The following PTPRS variants were observed in gnomAD, a reference collection of about 807,000 sequenced individuals.
PTPRS encodes receptor-type tyrosine-protein phosphatase S.
PTPRS carries 63 observed loss-of-function variants against 215.3 expected under a neutral mutation model. The ratio of observed to expected loss-of-function variants is 0.29; its 90% confidence interval spans 0.24 to 0.36. The LOEUF (loss-of-function observed/expected upper bound fraction) is 0.36, where lower values mean the gene tolerates loss of function less well. PTPRS is among the 10% of genes least tolerant of loss of function. PTPRS has a pLI of 1.00. For missense variants in PTPRS, 2,258 were observed against 2,825.8 expected (o/e 0.80, Z 4.56); for synonymous variants, 1,404 against 1,191.4 (o/e 1.18, Z -3.68).
At chr19:5,264,579 C>T (rs1012871469) in intron 5 of PTPRS, among the ~76,000 whole-genome samples, 2 of 152,080 alleles carry the variant, frequency 1.3e-5, no homozygotes, top group Non-Finnish European at 2.9e-5. Flanking sequence ...CCAAAGAGCT[C>T]GGATTACAGG....
In PTPRS at chr19:5,210,598, TGGA is replaced by T; in HGVS notation, c.5362-7_5362-5del. The stretch of plus-strand genomic sequence containing the variant: ...GCCAGTACTGGTGACACTTCTCCTG[TGGA>T]GGAGATGGCGGCCGTGGTCAGCGCT... On this transcript the variant is annotated splice_polypyrimidine_tract_variant and splice_region_variant and intron_variant, in intron 34 of 37. Transcript: ENST00000262963. The surrounding 1 kb of genome is among the most constrained non-coding windows in gnomAD (Gnocchi z 4.5). 6.2e-7 allele frequency: 1 copy of T among 1,614,206 alleles called. No individual in the cohort carries two copies. The highest frequency in any genetic ancestry group is 8.5e-7 in the Non-Finnish European group (1 of 1,180,028).
At chr19:5,214,833 C>A in intron 28 of PTPRS, 97 bp from the exon 29 acceptor site, 1 of 1,234,418 alleles carries the variant, frequency 8.1e-7, no homozygotes, top group Non-Finnish European at 1.1e-6. Flanking sequence ...TCTGACCGCT[C>A]CCAGATTGTC....
chr19:5,320,765 C>G (rs2050005118), intron 1 of PTPRS, among the ~76,000 whole-genome samples: 3 of 152,090 alleles, frequency 2.0e-5, no homozygotes, highest in Admixed American at 2.0e-4. Flanking sequence ...TCATGCTGAG[C>G]CCAGCCCTGA....
At chr19:5,227,461 C>A (rs1270863475) in intron 16 of PTPRS, among the ~76,000 whole-genome samples, 2 of 148,868 alleles carry the variant, frequency 1.3e-5, no homozygotes, top group East Asian at 3.9e-4. Context: ...GTTGCCCAGG[C>A]TGGAGTGCAA....
chr19:5,235,430 G>A (rs2043362596), intron 13 of PTPRS, among the ~76,000 whole-genome samples: 1 of 152,128 alleles, frequency 6.6e-6, no homozygotes. Flanking sequence ...GATAATAAGT[G>A]AATGTTTTCA....
rs1452860116 is a variant in PTPRS, at chr19:5,225,863, G to A, written c.2377-19C>T. On this transcript the variant is annotated intron_variant, in intron 16 of 37. Transcript: ENST00000262963. ...CCATCTCCTGCAGGCACGGCTGGGG[G>A]TCAGCACGACGGCTGGGGCTGGGAG... 6.9e-6 allele frequency: 11 copies of A among 1,603,708 alleles called. No homozygotes were observed. Among genetic ancestry groups the A allele is most frequent in the Non-Finnish European group, 9.4e-6 (11 of 1,170,884 alleles).
chr19:5,322,879 CAAAAAAA>C lies in PTPRS; in HGVS notation c.-95+17778_-95+17784del, dbSNP rs60988670. On this transcript the variant is annotated intron_variant, in intron 1 of 37. Transcript: ENST00000262963. ...GGGCAACAAGAGCAAAACTCCGTCTCAAAAAAAAAAAAAAAAAAAAAGAAGAAGAAGA... is the reference window on the plus strand; with the variant it reads ...GGGCAACAAGAGCAAAACTCCGTCTCAAAAAAAAAAAAAAGAAGAAGAAGA... Among the ~76,000 whole-genome samples, 11 of 65,934 alleles carry C rather than the reference CAAAAAAA, an allele frequency of 1.7e-4. No homozygotes were observed. The South Asian group carries it at 8.6e-3, about 51-fold the overall frequency. The allele number at this position is 65,934 out of a possible 152,430, so 43.3% of individuals were successfully genotyped here.
intron 1 of PTPRS, among the ~76,000 whole-genome samples, chr19:5,310,542 T>C (rs2049667686): frequency 6.6e-6 from 1 of 152,034 alleles, no homozygotes; most frequent in East Asian, 1.9e-4. Context: ...GGTTTCAAAC[T>C]CCTGACCTCA....
In PTPRS at chr19:5,222,153, A is replaced by G; in HGVS notation, c.3171T>C (p.Pro1057=). 6.2e-7 allele frequency: 1 copy of G among 1,613,966 alleles called. No homozygotes were observed. Among genetic ancestry groups the G allele is most frequent in the African/African-American group, 1.3e-5 (1 of 75,042 alleles). Residue 1057 remains proline (P), a synonymous_variant, in exon 19 of 38, where the codon CCT becomes CCC. Coordinates refer to ENST00000262963, the MANE Select transcript of PTPRS (RefSeq NM_002850.4). The stretch of plus-strand genomic sequence containing the variant: ...AGGGTGTGGGTGAGTTGTAGTTGTC[A>G]GGGAACTCCCAGCTGAGCAGAACTG... ...KTSVLLSWEF[P]DNYNSPTPYK...
chr19:5,278,539 C>T (rs1027298202), intron 2 of PTPRS, among the ~76,000 whole-genome samples: 2 of 152,110 alleles, frequency 1.3e-5, no homozygotes, highest in African/African-American at 2.4e-5. Context: ...GTGCAGGGCG[C>T]GATCTTGGCT....
chr19:5,290,224 C>T (rs1715297993), intron 1 of PTPRS, among the ~76,000 whole-genome samples: 1 of 152,178 alleles, frequency 6.6e-6, no homozygotes, highest in Non-Finnish European at 1.5e-5. Context: ...GAGGCAGGCG[C>T]TTGACTTTTA....
chr19:5,210,761 G>T lies in PTPRS; in HGVS notation c.5279C>A (p.Thr1760Asn). 1.2e-6 allele frequency: 2 copies of T among 1,614,148 alleles called. No homozygotes were observed. The highest frequency in any genetic ancestry group is 1.7e-6 in the Non-Finnish European group (2 of 1,180,050). The part of the protein sequence containing the change: ...YIATQGPLAE[T>N]TEDFWRMLWE... Reference sequence around the variant, plus strand: ...CAGCATGCGCCAGAAGTCTTCCGTGGTCTCCGCCAGCGGCCCCTGTGTCGC... The same window carrying T: ...CAGCATGCGCCAGAAGTCTTCCGTGTTCTCCGCCAGCGGCCCCTGTGTCGC... Residue 1760 changes from threonine (T) to asparagine (N), a missense_variant, in exon 34 of 38, where the codon ACC becomes AAC. Physicochemically the swap from Thr to Asn is moderately conservative, Grantham distance 65. Around this residue, in one of 6 missense-constraint regions of PTPRS, gnomAD observed 927 missense variants for 1,125.9 expected, o/e 0.82. Transcript: ENST00000262963. This position sits in a 1 kb window ranked among gnomAD's most constrained non-coding sequence, Gnocchi z 4.5.
intron 24 of PTPRS, 108 bp downstream of exon 24, chr19:5,218,679 A>G: frequency 6.6e-7 from 1 of 1,513,334 alleles, no homozygotes; most frequent in African/African-American, 1.4e-5. Context: ...CTACGTGTAC[A>G]AGCTGTGGGG....
intron 9 of PTPRS, among the ~76,000 whole-genome samples, chr19:5,253,150 C>T (rs1057028110): frequency 3.9e-5 from 6 of 152,002 alleles, no homozygotes; most frequent in Non-Finnish European, 8.8e-5. Flanking sequence ...TGTCAAAAGT[C>T]GGAGGAGGGA....
In PTPRS at chr19:5,338,670, G is replaced by A. The variant is rs1568630578; in HGVS notation, c.-95+1994C>T. 1.3e-5 allele frequency among the ~76,000 whole-genome samples: 2 copies of A among 151,964 alleles called. No individual in the cohort carries two copies. Among genetic ancestry groups the A allele is most frequent in the African/African-American group, 4.8e-5 (2 of 41,336 alleles). On this transcript the variant is annotated intron_variant, in intron 1 of 37. Transcript: ENST00000262963. This position sits in a 1 kb window ranked among gnomAD's most constrained non-coding sequence, Gnocchi z 4.2. ...AAGAAAGAAGAGCAGAGGGACAGAAGGCAGGCGCGATTGGCAGGGGGAGGG... is the reference window on the plus strand; with the variant it reads ...AAGAAAGAAGAGCAGAGGGACAGAAAGCAGGCGCGATTGGCAGGGGGAGGG...
At chr19:5,303,084 A>G (rs115590538) in intron 1 of PTPRS, among the ~76,000 whole-genome samples, 2,661 of 151,974 alleles carry the variant, frequency 0.018, 75 homozygotes, top group African/African-American at 0.061. Context: ...ACAAAAACAA[A>G]AACAAAAAAA....
At chr19:5,243,474 C>A (rs996551284) in intron 11 of PTPRS, among the ~76,000 whole-genome samples, 3 of 151,708 alleles carry the variant, frequency 2.0e-5, no homozygotes, top group African/African-American at 7.3e-5. Context: ...AAAATATATA[C>A]ATATATTTTT....
Position 5,228,347 on chromosome 19 carries a change from G to GAAAAAAA in PTPRS, c.2376+962_2376+968dup, listed in dbSNP as rs71170899. Among the ~76,000 whole-genome samples the GAAAAAAA allele has an allele frequency of 6.6e-5, 7 of 105,888 alleles. 1 individual carries two copies. Among genetic ancestry groups the GAAAAAAA allele is most frequent in the African/African-American group, 3.0e-4 (7 of 23,366 alleles). 69.5% of individuals were successfully genotyped at this position (105,888 alleles called of 152,430 possible). A position where few individuals can be genotyped will look rare whatever the true frequency, so the allele number is the denominator to read the frequency against. On this transcript the variant is annotated intron_variant, in intron 16 of 37. Transcript: ENST00000262963. ...GCGATAGTGTGAGACTCCGTCTGGA[G>GAAAAAAA]AAAAAAAAAAAAAAAAGAGACAGGG... is the stretch of plus-strand genomic sequence containing the variant.
intron 1 of PTPRS, among the ~76,000 whole-genome samples, chr19:5,297,777 C>CTTTCT (rs777404917): frequency 7.5e-5 from 11 of 147,438 alleles, no homozygotes; most frequent in South Asian, 2.2e-4. Flanking sequence ...TCCTTCCAGT[C>CTTTCT]TTTCTTTTCT....
Sources: allele counts gnomAD v4.1 joint callset (sites outside exome capture counted in the v4.1 genomes callset), GRCh38; gene constraint gnomAD v4.1.1; regional missense constraint gnomAD v4.1.1; non-coding constraint Gnocchi (gnomAD v3.1); transcripts MANE v1.5; gene names NCBI Gene and HGNC (gene_info 2026-07-23, HGNC 2026-07-21).